UBE2N: variants seen among roughly 807,000 people sequenced by gnomAD.
UBE2N encodes ubiquitin-conjugating enzyme E2 N.
For missense variants in UBE2N, 60 were observed against 192.1 expected, an observed-to-expected ratio of 0.31 and a Z score of 4.07; for synonymous variants, 70 against 69.2, an observed-to-expected ratio of 1.01 and a Z score of -0.06.
chr12:93,410,097 C>A lies in UBE2N; in HGVS notation c.419-18G>T, dbSNP rs141176920. On this transcript the variant is annotated intron_variant, in intron 3 of 3. Coordinates refer to ENST00000318066, the MANE Select transcript of UBE2N (RefSeq NM_003348.4). The stretch of plus-strand genomic sequence containing the variant: ...TGCTCTAGCTGTAGACAGAAACAAA[C>A]ATACGATTATTATTTTACTTAGTTC... The A allele has an allele frequency of 6.0e-3, 9,732 of 1,610,976 alleles. 47 individuals are homozygous for A. The highest frequency in any genetic ancestry group is 8.3e-3 in the Middle Eastern group (50 of 6,050).
At chr12:93,433,456 T>A (rs1472077552) in intron 1 of UBE2N, among the ~76,000 whole-genome samples, 1 of 152,184 alleles carries the variant, frequency 6.6e-6, no homozygotes, top group Non-Finnish European at 1.5e-5. Context: ...GTTAAAAGAT[T>A]CCCTATTATT....
chr12:93,411,139 A>G lies in UBE2N; in HGVS notation c.191T>C (p.Met64Thr). ...LELFLPEEYPMAAPKVRFMTK... is the reference protein window; with the variant it reads ...LELFLPEEYPTAAPKVRFMTK... The stretch of plus-strand genomic sequence containing the variant: ...CATGAAACGTACTTTAGGGGCTGCC[A>G]TTGGGTATTCTTCTGGAAGGAATAG... Residue 64 changes from methionine (M) to threonine (T), a missense_variant, in exon 2 of 4, where the codon ATG becomes ACG. Physicochemically the swap from Met to Thr is moderately conservative, Grantham distance 81. Transcript: ENST00000318066. 6.2e-7 allele frequency: 1 copy of G among 1,614,228 alleles called. No individual in the cohort carries two copies. Among genetic ancestry groups the G allele is most frequent in the Non-Finnish European group, 8.5e-7 (1 of 1,180,044 alleles).
chr12:93,421,633 A>C (rs897581011), intron 1 of UBE2N, among the ~76,000 whole-genome samples: 1 of 151,752 alleles, frequency 6.6e-6, no homozygotes, highest in Admixed American at 6.6e-5. Flanking sequence ...AATGTCATAA[A>C]TTTTTTTTTC....
At chr12:93,413,775 A>C (rs1303310318) in intron 1 of UBE2N, among the ~76,000 whole-genome samples, 2 of 152,094 alleles carry the variant, frequency 1.3e-5, no homozygotes, top group Admixed American at 6.5e-5. Context: ...ATCAGCTCTG[A>C]CCTGGCATAC....
chr12:93,437,854 G>C (rs773366344), intron 1 of UBE2N, among the ~76,000 whole-genome samples: 1 of 152,220 alleles, frequency 6.6e-6, no homozygotes, highest in African/African-American at 2.4e-5. Context: ...CTGAAGGACA[G>C]ATGAGGGATT....
intron 1 of UBE2N, chr12:93,429,208 T>G (rs947412453): frequency 2.9e-6 from 1 of 341,728 alleles, no homozygotes; most frequent in East Asian, 9.7e-5. Context: ...AGGCGGAGGT[T>G]GCAGTGAGCC....
chr12:93,415,436 G>T (rs530455390), intron 1 of UBE2N, among the ~76,000 whole-genome samples: 1 of 152,166 alleles, frequency 6.6e-6, no homozygotes, highest in Non-Finnish European at 1.5e-5. Context: ...TGATCATGGC[G>T]ATGTAAGAGC....
chr12:93,417,282 T>G (rs1878247636), intron 1 of UBE2N, among the ~76,000 whole-genome samples: 1 of 152,272 alleles, frequency 6.6e-6, no homozygotes, highest in African/African-American at 2.4e-5. Flanking sequence ...GAGCAAACCC[T>G]AGACTCACAC....
intron 3 of UBE2N, chr12:93,410,365 G>T: frequency 2.0e-6 from 1 of 489,086 alleles, no homozygotes. Flanking sequence ...AAAATCTGTA[G>T]CAGAAGCTTC....
At chr12:93,441,814 G>C (rs1399577650) in intron 1 of UBE2N, 41 bp downstream of exon 1, 1 of 1,577,276 alleles carries the variant, frequency 6.3e-7, no homozygotes, top group East Asian at 2.6e-5. Flanking sequence ...CTGAGCCGAC[G>C]AGAGCAGAGC....
chr12:93,439,288 A>G (rs144874851), intron 1 of UBE2N, among the ~76,000 whole-genome samples: 1 of 152,166 alleles, frequency 6.6e-6, no homozygotes, highest in Non-Finnish European at 1.5e-5. Context: ...AGAGTTTGAG[A>G]CCAGCCTGGG....
At chr12:93,417,980 A>C (rs1012284325) in intron 1 of UBE2N, among the ~76,000 whole-genome samples, 6 of 152,110 alleles carry the variant, frequency 3.9e-5, no homozygotes, top group Non-Finnish European at 8.8e-5. Flanking sequence ...TTCACCCTCT[A>C]TATATATAAG....
chr12:93,423,115 G>A (rs1042812514), intron 1 of UBE2N, among the ~76,000 whole-genome samples: 8 of 152,172 alleles, frequency 5.3e-5, no homozygotes, highest in African/African-American at 1.9e-4. Context: ...AGCATTCTGC[G>A]CTTGACATCA....
chr12:93,410,640 T>C, intron 3 of UBE2N, 94 bp downstream of exon 3: 2 of 1,542,092 alleles, frequency 1.3e-6, no homozygotes, highest in Non-Finnish European at 1.8e-6. Flanking sequence ...CTTTTTTCTA[T>C]TTCTTTTCCT....
At chr12:93,413,515 T>C (rs547755169) in intron 1 of UBE2N, among the ~76,000 whole-genome samples, 12 of 152,094 alleles carry the variant, frequency 7.9e-5, no homozygotes, top group Non-Finnish European at 1.2e-4. Flanking sequence ...CTGCTTGATA[T>C]ACACTCTTGA....
chr12:93,430,331 C>G (rs2121089128), intron 1 of UBE2N, among the ~76,000 whole-genome samples: 1 of 152,228 alleles, frequency 6.6e-6, no homozygotes, highest in South Asian at 2.1e-4. Flanking sequence ...ATGATGTTCA[C>G]ACAATGATGA....
chr12:93,437,302 C>G (rs1211133428), intron 1 of UBE2N, among the ~76,000 whole-genome samples: 1 of 151,302 alleles, frequency 6.6e-6, no homozygotes, highest in Non-Finnish European at 1.5e-5. Flanking sequence ...GTACTATGAT[C>G]ACGCCTGTGA....
chr12:93,411,352 C>T, intron 1 of UBE2N, 53 bp from the exon 2 acceptor site: 1 of 1,540,584 alleles, frequency 6.5e-7, no homozygotes, highest in Non-Finnish European at 8.7e-7. Flanking sequence ...TTGCTAGACA[C>T]CAAAAGTAAA....
At chr12:93,439,158 T>C (rs770975153) in intron 1 of UBE2N, among the ~76,000 whole-genome samples, 1 of 152,246 alleles carries the variant, frequency 6.6e-6, no homozygotes, top group Non-Finnish European at 1.5e-5. Flanking sequence ...ATGCTAACAC[T>C]GATGTTATAT....
Sources: gnomAD v4.1 joint callset for allele counts (sites outside exome capture counted in the v4.1 genomes callset) on GRCh38, gnomAD v4.1.1 for gene constraint, MANE v1.5 for transcripts, NCBI Gene and HGNC (gene_info 2026-07-23, HGNC 2026-07-21) for gene names.